The following UBN2 variants were observed in gnomAD, a reference collection of about 807,000 sequenced individuals.
UBN2 encodes the protein ubinuclein 2.
In UBN2, 35 loss-of-function variants were observed where a neutral mutation model predicts 120.2. That is an observed-to-expected ratio of 0.29 (90% CI 0.22 to 0.39). The LOEUF (loss-of-function observed/expected upper bound fraction) is 0.39, where lower values mean the gene tolerates loss of function less well. Among genes scored for constraint, UBN2 ranks in the 10% least tolerant of loss-of-function variants. UBN2 has a pLI of 1.00. For synonymous variants in UBN2, 661 were observed against 648.7 expected, an observed-to-expected ratio of 1.02 and a Z score of -0.29; for missense variants, 1,693 against 1,663.2, an observed-to-expected ratio of 1.02 and a Z score of -0.31.
Position 139,231,536 on chromosome 7 carries a change from C to G in UBN2, c.52C>G (p.Arg18Gly). ...CATTAGCTTGTCACCGGTGCGGCGG[C>G]GCGAGGCCGAGTACCCGGGGCCCGA... ...AFISLSPVRR[R>G]EAEYPGPERE... The change falls in exon 1 of 18, where the codon CGC (arginine) becomes GGC (glycine). Residue 18 changes from arginine (R) to glycine (G), a missense_variant. By Grantham distance (125) the Arg-to-Gly change is moderately radical (BLOSUM62 -2). Transcript: ENST00000473989. The G allele has an allele frequency of 7.0e-7, 1 of 1,421,360 alleles. No individual in the cohort carries two copies. The highest frequency in any genetic ancestry group is 1.5e-5 in the South Asian group (1 of 68,672). The allele number at this position is 1,421,360 out of a possible 1,614,324, so 88.0% of individuals were successfully genotyped here.
At chr7:139,253,771 A>G (rs1025766937) in intron 3 of UBN2, among the ~76,000 whole-genome samples, 1 of 152,252 alleles carries the variant, frequency 6.6e-6, no homozygotes. Flanking sequence ...TACTAGAGTA[A>G]TCTAATCCCT....
intron 12 of UBN2, chr7:139,277,570 A>G (rs1484401075): frequency 6.6e-6 from 1 of 152,242 alleles, no homozygotes; most frequent in East Asian, 1.9e-4. Flanking sequence ...GGTCAACTGT[A>G]TATCAGAGAT....
chr7:139,309,196 A>G (rs1798414388), downstream of UBN2, among the ~76,000 whole-genome samples: 2 of 152,248 alleles, frequency 1.3e-5, no homozygotes, highest in Middle Eastern at 3.2e-3. Flanking sequence ...TCTTGCTGAA[A>G]TGGGGTTGTA....
Position 139,231,755 on chromosome 7 carries a change from C to T in UBN2, c.271C>T (p.Pro91Ser). Reference sequence around the variant, plus strand: ...GCCCATGTCGCTGCAGCGGGAGCCCCCGCGGCCCGAGCCGCCGCCGCCGTT... The same window carrying T: ...GCCCATGTCGCTGCAGCGGGAGCCCTCGCGGCCCGAGCCGCCGCCGCCGTT... ...EPPMSLQREP[P>S]RPEPPPPFPP... Residue 91 changes from proline to serine, a missense_variant, in exon 1 of 18, where the codon CCG (proline) becomes TCG (serine). Coordinates refer to ENST00000473989, the MANE Select transcript of UBN2 (RefSeq NM_173569.4). 1 of 1,232,632 alleles carries T rather than the reference C, an allele frequency of 8.1e-7. No individual in the cohort carries two copies. Among genetic ancestry groups the T allele is most frequent in the East Asian group, 3.6e-5 (1 of 27,708 alleles). The allele number at this position is 1,232,632 out of a possible 1,614,324, so 76.4% of individuals were successfully genotyped here. A position where few individuals can be genotyped will look rare whatever the true frequency, so the allele number is the denominator to read the frequency against.
intron 6 of UBN2, among the ~76,000 whole-genome samples, chr7:139,264,812 C>G (rs937284143): frequency 6.6e-6 from 1 of 152,090 alleles, no homozygotes; most frequent in African/African-American, 2.4e-5. Context: ...ATGTCTTGGT[C>G]TCTTGACCTC....
At chr7:139,284,801 C>T (rs1440896776) in intron 15 of UBN2, among the ~76,000 whole-genome samples, 1 of 151,848 alleles carries the variant, frequency 6.6e-6, no homozygotes, top group East Asian at 1.9e-4. Flanking sequence ...AACAAAGGTG[C>T]ACCAGCATTC....
intron 17 of UBN2, among the ~76,000 whole-genome samples, chr7:139,294,258 C>G (rs1338342710): frequency 6.6e-6 from 1 of 152,132 alleles, no homozygotes; most frequent in Non-Finnish European, 1.5e-5. Flanking sequence ...AAGTTATGTA[C>G]AGTAATGATA....
chr7:139,287,630 T>C (rs1357640154), intron 15 of UBN2, among the ~76,000 whole-genome samples: 8 of 152,242 alleles, frequency 5.3e-5, no homozygotes, highest in African/African-American at 1.9e-4. Context: ...AATGGCTTTA[T>C]GATTTGGAGA....
intron 6 of UBN2, among the ~76,000 whole-genome samples, chr7:139,262,416 A>C (rs890449331): frequency 2.6e-5 from 4 of 152,086 alleles, no homozygotes; most frequent in African/African-American, 9.7e-5. Flanking sequence ...TTTTCTCTTA[A>C]ATAGAAATAA....
rs757023351 is a variant in UBN2, at chr7:139,269,473, A to G, written c.1546A>G (p.Asn516Asp). 21 of 1,614,078 alleles carry G rather than the reference A, an allele frequency of 1.3e-5. No homozygotes were observed. The highest frequency in any genetic ancestry group is 1.2e-4 in the Admixed American group (7 of 60,000). ...CCACCTTGAAGCTTTTGTGCCATGC[A>G]ATAAAGAAACACTAGTAAAACGTCT... ...YSHLEAFVPC[N>D]KETLVKRLKK... The change falls in exon 8 of 18, where the codon AAT (asparagine) becomes GAT (aspartate). Residue 516 changes from asparagine (N) to aspartate (D), a missense_variant. Physicochemically the swap from Asn to Asp is conservative, Grantham distance 23 (BLOSUM62 1). Transcript: ENST00000473989.
chr7:139,289,219 A>G (rs528268140), intron 15 of UBN2, among the ~76,000 whole-genome samples: 3 of 152,232 alleles, frequency 2.0e-5, no homozygotes, highest in Non-Finnish European at 1.5e-5. Context: ...TCCATCTTTT[A>G]GGATAGAGAG....
chr7:139,254,407 G>A (rs748513591), intron 3 of UBN2, among the ~76,000 whole-genome samples: 12 of 152,118 alleles, frequency 7.9e-5, no homozygotes, highest in Non-Finnish European at 1.6e-4. Context: ...AATGGCCTTC[G>A]TCTTACAAAA....
At chr7:139,310,027 A>G (rs1012983609), downstream of UBN2, among the ~76,000 whole-genome samples, 3 of 152,202 alleles carry the variant, frequency 2.0e-5, no homozygotes, top group Non-Finnish European at 4.4e-5. Context: ...TGTGTAACAA[A>G]TAGGTGACTT....
the UBN2 span, among the ~76,000 whole-genome samples, chr7:139,325,894 T>A: frequency 3.3e-5 from 5 of 151,968 alleles, no homozygotes; most frequent in African/African-American, 1.2e-4. Flanking sequence ...TTTCTTTAGT[T>A]AAAAACATGG....
At chr7:139,281,957 G>A (rs1324708755) in intron 13 of UBN2, 48 bp from the exon 14 acceptor site, 6 of 1,569,220 alleles carry the variant, frequency 3.8e-6, no homozygotes, top group Admixed American at 1.7e-5. Context: ...TACTAAGGAA[G>A]TTAGAGTGTA....
rs1798032566 is a variant in UBN2, at chr7:139,293,797, G to A, written c.3902-92G>A. On this transcript the variant is annotated intron_variant, in intron 16 of 17. Coordinates refer to ENST00000473989, the MANE Select transcript of UBN2 (RefSeq NM_173569.4). Reference sequence around the variant, plus strand: ...TAGAAGGCCTTCGAAGTCAGGTGCTGTGCCTGCATTACATAAATCAGTTTT... The same window carrying A: ...TAGAAGGCCTTCGAAGTCAGGTGCTATGCCTGCATTACATAAATCAGTTTT... The A allele has an allele frequency of 2.3e-5, 27 of 1,192,642 alleles. 1 individual carries two copies. Among genetic ancestry groups the A allele is most frequent in the Non-Finnish European group, 3.3e-5 (27 of 808,330 alleles). The allele number at this position is 1,192,642 out of a possible 1,614,324, so 73.9% of individuals were successfully genotyped here.
At chr7:139,317,649 A>G in the UBN2 span, among the ~76,000 whole-genome samples, 74 of 151,752 alleles carry the variant, frequency 4.9e-4, no homozygotes, top group African/African-American at 1.8e-3. Context: ...TTTTTCAGCT[A>G]TTCTTGTTGT....
Position 139,301,403 on chromosome 7 carries a change from C to G in UBN2, c.*3567C>G, listed in dbSNP as rs183692097. 4 of 152,138 alleles carry G rather than the reference C, an allele frequency of 2.6e-5. No individual in the cohort carries two copies. The highest frequency in any genetic ancestry group is 9.7e-5 in the African/African-American group (4 of 41,426). The allele number at this position is 152,138 out of a possible 1,614,324, so 9.4% of individuals were successfully genotyped here. On this transcript the variant is annotated 3_prime_UTR_variant, in exon 18 of 18. Coordinates refer to ENST00000473989, the MANE Select transcript of UBN2 (RefSeq NM_173569.4). Reference sequence around the variant, plus strand: ...ACTTGGTTCAAGACATTTTCTGAAACGAAAATTCTGCTGTTGTTCAAACTG... The same window carrying G: ...ACTTGGTTCAAGACATTTTCTGAAAGGAAAATTCTGCTGTTGTTCAAACTG...
chr7:139,258,563 C>A lies in UBN2; in HGVS notation c.739C>A (p.Arg247Ser), dbSNP rs746848105. Reference protein sequence around the residue: ...FYINTGTLQFRQASDTEEDDI... With the variant: ...FYINTGTLQFSQASDTEEDDI... ...TATCAACACTGGCACTCTACAGTTTCGCCAAGCTTCAGATACTGAAGAAGA... is the reference window on the plus strand; with the variant it reads ...TATCAACACTGGCACTCTACAGTTTAGCCAAGCTTCAGATACTGAAGAAGA... Residue 247 changes from arginine to serine, a missense_variant, in exon 4 of 18, where the codon CGC (arginine) becomes AGC (serine). Arg to Ser is a moderately radical substitution (Grantham distance 110). Coordinates refer to ENST00000473989, the MANE Select transcript of UBN2 (RefSeq NM_173569.4). The A allele has an allele frequency of 6.2e-7, 1 of 1,606,740 alleles. No homozygotes were observed. Among genetic ancestry groups the A allele is most frequent in the South Asian group, 1.1e-5 (1 of 90,080 alleles).
Sources: gnomAD v4.1 joint callset for allele counts (sites outside exome capture counted in the v4.1 genomes callset) on GRCh38, gnomAD v4.1.1 for gene constraint, MANE v1.5 for transcripts, NCBI Gene and HGNC (gene_info 2026-07-23, HGNC 2026-07-21) for gene names.